SOX5: variants seen among roughly 807,000 people sequenced by gnomAD.
SOX5 encodes transcription factor SOX-5.
SOX5 carries 9 observed loss-of-function variants against 92.0 expected under a neutral mutation model. The ratio of observed to expected loss-of-function variants is 0.10; its 90% CI spans 0.06 to 0.17. SOX5 has a LOEUF of 0.17. Ranked by LOEUF, SOX5 falls within the 10% of genes least tolerant of loss-of-function variation. The probability of loss-of-function intolerance (pLI) is 1.00; values close to 1 mark genes in which losing one functional copy is unlikely to be tolerated. For missense variants in SOX5, 642 were observed against 944.5 expected (o/e 0.68, Z 4.20); for synonymous variants, 344 against 336.3 (o/e 1.02, Z -0.25).
At chr12:23,973,217 A>G (rs1299983042) in intron 4 of SOX5, among the ~76,000 whole-genome samples, 1 of 136,904 alleles carries the variant, frequency 7.3e-6, no homozygotes, top group Non-Finnish European at 1.5e-5. Context: ...GCTGGAGTGC[A>G]GTGGTGTGAT....
chr12:24,425,312 C>T (rs553894329), intron 1 of SOX5, among the ~76,000 whole-genome samples: 1 of 152,304 alleles, frequency 6.6e-6, no homozygotes, highest in South Asian at 2.1e-4. Flanking sequence ...TCTTACTCAA[C>T]ACACAACTAA....
At chr12:23,867,428 A>G (rs921231016) in intron 2 of SOX5, among the ~76,000 whole-genome samples, 3 of 152,118 alleles carry the variant, frequency 2.0e-5, no homozygotes, top group East Asian at 1.9e-4. Context: ...TCCTGTCTGA[A>G]CTTTAATTTT....
intron 1 of SOX5, among the ~76,000 whole-genome samples, chr12:24,516,183 C>T (rs974528292): frequency 2.0e-5 from 3 of 151,910 alleles, no homozygotes; most frequent in Non-Finnish European, 4.4e-5. Flanking sequence ...CTTAGGACTA[C>T]AAGCATGCGC....
At chr12:24,183,917 A>G (rs1204747798) in intron 4 of SOX5, among the ~76,000 whole-genome samples, 5 of 152,188 alleles carry the variant, frequency 3.3e-5, no homozygotes, top group African/African-American at 1.2e-4. Flanking sequence ...ATTTGTGAGA[A>G]CTGATGTATG....
rs558387953 is a variant in SOX5, at chr12:23,898,952, T to G, written c.39-2928A>C. ...CAGAAAAGTAAACTATATAACAAAT[T>G]ACATATAGATATATCAATCTGTTGG... On this transcript the variant is annotated intron_variant, in intron 1 of 14. Transcript: ENST00000451604. Among the ~76,000 whole-genome samples the G allele has an allele frequency of 1.1e-4, 17 of 152,362 alleles. No individual in the cohort carries two copies. In the South Asian group the frequency reaches 3.5e-3, roughly 32 times the overall value.
At chr12:23,958,383 A>C (rs1055513812) in intron 4 of SOX5, among the ~76,000 whole-genome samples, 2 of 152,072 alleles carry the variant, frequency 1.3e-5, no homozygotes, top group Non-Finnish European at 2.9e-5. Context: ...AAATGCAAAA[A>C]TAAACTTTTT....
At chr12:24,349,292 A>C (rs1953754782) in intron 2 of SOX5, among the ~76,000 whole-genome samples, 1 of 152,248 alleles carries the variant, frequency 6.6e-6, no homozygotes, top group Non-Finnish European at 1.5e-5. Flanking sequence ...TATGCAGAAC[A>C]CAAAAAGTAC....
intron 3 of SOX5, among the ~76,000 whole-genome samples, chr12:23,843,554 CTTT>C (rs71059931): frequency 7.4e-4 from 53 of 71,312 alleles, no homozygotes; most frequent in Non-Finnish European, 8.3e-4. Flanking sequence ...GTCATTTCTC[CTTT>C]TTTTTTTTTT....
At chr12:24,112,354 T>C (rs568912940) in intron 4 of SOX5, among the ~76,000 whole-genome samples, 2 of 152,198 alleles carry the variant, frequency 1.3e-5, no homozygotes, top group Admixed American at 6.5e-5. Context: ...ATGCTGTAAA[T>C]GCCAAAGTTA....
intron 3 of SOX5, among the ~76,000 whole-genome samples, chr12:23,802,460 T>G (rs1247492019): frequency 6.6e-6 from 1 of 152,140 alleles, no homozygotes; most frequent in African/African-American, 2.4e-5. Context: ...CAATGAGACT[T>G]AAATTAAAAA....
rs944749554 is a variant in SOX5 at position 23,786,167 on chromosome 12, A to T, written c.482-30443T>A. ...GATAGTGAAGTTTTGTTATAATAGG[A>T]TATGAATCTTAAGAAATTATTGGTT... On this transcript the variant is annotated intron_variant, in intron 3 of 14. Coordinates refer to ENST00000451604, the MANE Select transcript of SOX5 (RefSeq NM_006940.6). 2.0e-5 allele frequency among the ~76,000 whole-genome samples: 3 copies of T among 151,996 alleles called. No individual in the cohort carries two copies. In the South Asian group the frequency reaches 6.2e-4, roughly 31 times the overall value.
intron 1 of SOX5, among the ~76,000 whole-genome samples, chr12:24,387,038 G>A (rs1958483728): frequency 6.6e-6 from 1 of 152,146 alleles, no homozygotes; most frequent in South Asian, 2.1e-4. Context: ...TTTTGGCACG[G>A]GGCCATGTAA....
chr12:23,976,423 A>T (rs928762546), intron 4 of SOX5, among the ~76,000 whole-genome samples: 1 of 148,536 alleles, frequency 6.7e-6, no homozygotes, highest in Non-Finnish European at 1.5e-5. Flanking sequence ...AAAAAAAAAA[A>T]AGAAGAGAAG....
intron 10 of SOX5, among the ~76,000 whole-genome samples, chr12:23,571,488 A>G (rs561023337): frequency 1.3e-5 from 2 of 152,316 alleles, no homozygotes; most frequent in East Asian, 3.9e-4. Flanking sequence ...CCTCCAGACT[A>G]AGCAAAACGT....
At chr12:24,125,194 T>A (rs1393078388) in intron 4 of SOX5, among the ~76,000 whole-genome samples, 1 of 152,172 alleles carries the variant, frequency 6.6e-6, no homozygotes, top group Non-Finnish European at 1.5e-5. Flanking sequence ...AAAGGAGGAA[T>A]CTCAGAGCAA....
intron 9 of SOX5, among the ~76,000 whole-genome samples, chr12:23,594,754 A>G (rs1266809291): frequency 6.6e-6 from 1 of 152,154 alleles, no homozygotes; most frequent in Non-Finnish European, 1.5e-5. Flanking sequence ...CTGACTCTTT[A>G]TCATTCTCCT....
intron 1 of SOX5, among the ~76,000 whole-genome samples, chr12:24,458,216 C>G (rs1401338964): frequency 6.6e-6 from 1 of 152,082 alleles, no homozygotes; most frequent in Non-Finnish European, 1.5e-5. Context: ...AAGGAAGAAA[C>G]TGCTGAAGAG....
chr12:24,169,729 T>C (rs1293057852), intron 4 of SOX5, among the ~76,000 whole-genome samples: 3 of 152,236 alleles, frequency 2.0e-5, no homozygotes, highest in African/African-American at 7.2e-5. Flanking sequence ...CGTGCGATGC[T>C]GCATAATGGT....
intron 1 of SOX5, among the ~76,000 whole-genome samples, chr12:24,487,635 C>G (rs182335326): frequency 1.3e-3 from 197 of 152,262 alleles, no homozygotes; most frequent in African/African-American, 4.7e-3. Context: ...CCATTTAAGA[C>G]AGAGCTATTC....
Sources: gnomAD v4.1 joint callset for allele counts (sites outside exome capture counted in the v4.1 genomes callset) on GRCh38, gnomAD v4.1.1 for gene constraint, MANE v1.5 for transcripts, NCBI Gene and HGNC (gene_info 2026-07-23, HGNC 2026-07-21) for gene names.